Variants in PDE6B observed in about 807,000 individuals in gnomAD.
The protein encoded by PDE6B is phosphodiesterase 6B.
Under a neutral mutation model 109.0 loss-of-function variants are expected in PDE6B, and 106 were observed. That is an observed-to-expected ratio of 0.97 (90% CI 0.83 to 1.14). The LOEUF is 1.14. Among genes scored for constraint, PDE6B ranks in the 50% most tolerant of loss-of-function variants. The pLI, the probability that PDE6B is intolerant of heterozygous loss-of-function variation, is 0.00. For missense variants in PDE6B, 1,193 were observed against 1,155.6 expected, an observed-to-expected ratio of 1.03 and a Z score of -0.47; for synonymous variants, 490 against 471.3, an observed-to-expected ratio of 1.04 and a Z score of -0.51.
intron 6 of PDE6B, chr4:655,674 G>A: frequency 1.7e-6 from 1 of 575,710 alleles, no homozygotes; most frequent in Admixed American, 2.9e-5. Flanking sequence ...AAATGCTGAG[G>A]ATGGCACATG....
intron 3 of PDE6B, 48 bp from the exon 4 acceptor site, chr4:653,804 G>A (rs771262063): frequency 1.4e-5 from 22 of 1,607,626 alleles, no homozygotes; most frequent in African/African-American, 6.7e-5. Flanking sequence ...TCAGACCGGC[G>A]TGAGGGTGGG....
chr4:655,755 G>A, intron 6 of PDE6B, 185 bp from the exon 7 acceptor site: 1 of 664,076 alleles, frequency 1.5e-6, no homozygotes, highest in South Asian at 1.7e-5. Context: ...ATCCAGCGCA[G>A]CCTGGCCCCT....
intron 1 of PDE6B, among the ~76,000 whole-genome samples, chr4:631,731 G>A (rs142581732): frequency 2.4e-4 from 36 of 151,962 alleles, no homozygotes; most frequent in African/African-American, 8.7e-4. Flanking sequence ...AAAGGGTCAT[G>A]AGGGTCACAT....
Position 634,859 on chromosome 4 carries a change from G to A in PDE6B, c.621+30G>A, listed in dbSNP as rs367693445. 246 of 1,605,550 alleles carry A rather than the reference G, an allele frequency of 1.5e-4. 1 individual carries two copies. In the East Asian group the frequency reaches 4.8e-3, roughly 32 times the overall value. ...GTGTGGGGGGCACCTGGGCAGCCGC[G>A]CGTCTGCCTCCCTGCCTGCCTGCCC... On this transcript the variant is annotated intron_variant, in intron 2 of 21. Coordinates refer to ENST00000496514, the MANE Select transcript of PDE6B (RefSeq NM_000283.4).
chr4:657,966 G>A (rs1439769213), intron 10 of PDE6B, among the ~76,000 whole-genome samples: 1 of 143,476 alleles, frequency 7.0e-6, no homozygotes, highest in African/African-American at 2.6e-5. Flanking sequence ...TCATGGCTGT[G>A]CAGCAGAGGC....
Position 662,149 on chromosome 4 carries a change from C to T in PDE6B, c.1630C>T (p.Leu544=). 1.3e-6 allele frequency: 2 copies of T among 1,564,568 alleles called. No homozygotes were observed. The highest frequency in any genetic ancestry group is 1.7e-6 in the Non-Finnish European group (2 of 1,151,932). The part of the protein sequence containing the change: ...QIPQEVLVRF[L]FSISKGYRRI... ...GCTCCCCCAGGTCCTGGTGCGGTTC[C>T]TGTTCTCCATCAGCAAAGGGTACCG... is the stretch of plus-strand genomic sequence containing the variant. Residue 544 remains leucine (L), a synonymous_variant, in exon 13 of 22, where the codon CTG becomes TTG. Coordinates refer to ENST00000496514, the MANE Select transcript of PDE6B (RefSeq NM_000283.4). The surrounding 1 kb of genome is among the most constrained non-coding windows in gnomAD (Gnocchi z 4.3).
At position 670,067 on chromosome 4, in the gene PDE6B, G is replaced by T. The variant is rs1160263275; in HGVS notation, c.2525G>T (p.Gly842Val). ...AKKVGTEICN[G>V]GPAPKSSTCC... ...GCAGTAGGCACAGAAATTTGCAATG[G>T]CGGCCCAGCACCCAAGTCTTCAACC... Residue 842 changes from glycine (G) to valine (V), a missense_variant, in exon 22 of 22, where the codon GGC (glycine) becomes GTC (valine). Transcript: ENST00000496514. 1.2e-6 allele frequency: 2 copies of T among 1,613,034 alleles called. No homozygotes were observed. The highest frequency in any genetic ancestry group is 2.7e-5 in the African/African-American group (2 of 74,858).
At chr4:644,861 C>G (rs1735123930) in intron 3 of PDE6B, among the ~76,000 whole-genome samples, 1 of 152,016 alleles carries the variant, frequency 6.6e-6, no homozygotes, top group Non-Finnish European at 1.5e-5. Context: ...AATGTCCTTA[C>G]TGAGCCTCTG....
Position 657,012 on chromosome 4 carries a change from G to A in PDE6B, c.1246G>A (p.Val416Ile). ...DGKPFDEQDE[V>I]LMESLTQFLG... is the part of the protein sequence containing the mutation. Reference sequence around the variant, plus strand: ...GAAGCCCTTTGACGAACAGGACGAGGTTCTCATGGAGGTAAGCACCTGGGC... The same window carrying A: ...GAAGCCCTTTGACGAACAGGACGAGATTCTCATGGAGGTAAGCACCTGGGC... The change falls in exon 9 of 22, where the codon GTT (valine) becomes ATT (isoleucine). Residue 416 changes from valine to isoleucine, a missense_variant. Val to Ile is a conservative substitution (Grantham distance 29). Coordinates refer to ENST00000496514, the MANE Select transcript of PDE6B (RefSeq NM_000283.4). 2 of 1,613,224 alleles carry A rather than the reference G, an allele frequency of 1.2e-6. No homozygotes were observed. Among genetic ancestry groups the A allele is most frequent in the East Asian group, 4.5e-5 (2 of 44,864 alleles).
intron 1 of PDE6B, among the ~76,000 whole-genome samples, chr4:629,625 G>A (rs964066896): frequency 6.6e-5 from 10 of 152,342 alleles, no homozygotes; most frequent in Admixed American, 4.6e-4. Context: ...GGTCCTGCAC[G>A]TCGCCAGCAG....
chr4:631,556 G>A (rs1185681807), intron 1 of PDE6B, among the ~76,000 whole-genome samples: 1 of 151,970 alleles, frequency 6.6e-6, no homozygotes, highest in African/African-American at 2.4e-5. Context: ...GATCCTTGTG[G>A]CACTGTCTGA....
At position 663,430 on chromosome 4, in the gene PDE6B, C is replaced by A. The variant is rs1447312565; in HGVS notation, c.1920+243C>A. 6.6e-6 allele frequency among the ~76,000 whole-genome samples: 1 copy of A among 152,176 alleles called. No homozygotes were observed. The highest frequency in any genetic ancestry group is 1.5e-5 in the Non-Finnish European group (1 of 68,022). ...GGCCCCTCATGGGGTGGGGTGGAAGCCGAAGGGGAAGCGGCCCGGGACCCA... is the reference window on the plus strand; with the variant it reads ...GGCCCCTCATGGGGTGGGGTGGAAGACGAAGGGGAAGCGGCCCGGGACCCA... On this transcript the variant is annotated intron_variant, in intron 15 of 21. Coordinates refer to ENST00000496514, the MANE Select transcript of PDE6B (RefSeq NM_000283.4). The surrounding 1 kb of genome is among the most constrained non-coding windows in gnomAD (Gnocchi z 4.0).
chr4:633,308 C>A lies in PDE6B; in HGVS notation c.469-1369C>A, dbSNP rs570269224. On this transcript the variant is annotated intron_variant, in intron 1 of 21. Transcript: ENST00000496514. This position sits in a 1 kb window ranked among gnomAD's most constrained non-coding sequence, Gnocchi z 4.5. ...CCACCCCTGCCAGGGCTCACTCACCCGTCTTCCTGCTCCACCATCTTTTAA... is the reference window on the plus strand; with the variant it reads ...CCACCCCTGCCAGGGCTCACTCACCAGTCTTCCTGCTCCACCATCTTTTAA... Among the ~76,000 whole-genome samples the A allele has an allele frequency of 6.6e-6, 1 of 152,214 alleles. No homozygotes were observed. Among genetic ancestry groups the A allele is most frequent in the Admixed American group, 6.5e-5 (1 of 15,286 alleles).
At chr4:640,983 T>C (rs978057509) in intron 3 of PDE6B, among the ~76,000 whole-genome samples, 1 of 152,200 alleles carries the variant, frequency 6.6e-6, no homozygotes, top group African/African-American at 2.4e-5. Flanking sequence ...GCGCTCTAGT[T>C]GTCTTTCTTC....
intron 1 of PDE6B, among the ~76,000 whole-genome samples, chr4:631,740 A>G (rs1358481099): frequency 4.6e-5 from 6 of 130,818 alleles, no homozygotes; most frequent in Non-Finnish European, 8.2e-5. Context: ...TGAGGGTCAC[A>G]TTGTGTGGGT....
At position 662,286 on chromosome 4, in the gene PDE6B, T is replaced by G; in HGVS notation, c.1722+45T>G. 8.8e-7 allele frequency: 1 copy of G among 1,139,762 alleles called. No homozygotes were observed. Among genetic ancestry groups the G allele is most frequent in the South Asian group, 1.3e-5 (1 of 75,916 alleles). 70.6% of individuals were successfully genotyped at this position (1,139,762 alleles called of 1,614,324 possible). A position where few individuals can be genotyped will look rare whatever the true frequency, so the allele number is the denominator to read the frequency against. ...ACCAGGGTTGTGCAGGCCCTCCTGG[T>G]ACCAAGGGCAGCACTCAAGCACCCC... On this transcript the variant is annotated intron_variant, in intron 13 of 21. Coordinates refer to ENST00000496514, the MANE Select transcript of PDE6B (RefSeq NM_000283.4). This position sits in a 1 kb window ranked among gnomAD's most constrained non-coding sequence, Gnocchi z 4.3.
chr4:656,509 G>A (rs541773875), intron 8 of PDE6B, among the ~76,000 whole-genome samples: 1 of 151,306 alleles, frequency 6.6e-6, no homozygotes, highest in African/African-American at 2.4e-5. Context: ...GGCCGTGACC[G>A]CGGCCCCCAC....
rs540913495 is a variant in PDE6B, at chr4:634,203, A to G, written c.469-474A>G. Reference sequence around the variant, plus strand: ...AAAGTGTCCGACGAACAAGCCCCCAATTAGAATGGGCCCATCCCACACCCT... The same window carrying G: ...AAAGTGTCCGACGAACAAGCCCCCAGTTAGAATGGGCCCATCCCACACCCT... On this transcript the variant is annotated intron_variant, in intron 1 of 21. Transcript: ENST00000496514. 2.3e-3 allele frequency among the ~76,000 whole-genome samples: 352 copies of G among 152,260 alleles called. 1 individual carries two copies. Among genetic ancestry groups the G allele is most frequent in the African/African-American group, 7.9e-3 (329 of 41,552 alleles).
chr4:653,792 G>A, intron 3 of PDE6B, 60 bp from the exon 4 acceptor site: 9 of 1,588,116 alleles, frequency 5.7e-6, no homozygotes, highest in Non-Finnish European at 6.9e-6. Context: ...CTGCTGCTGT[G>A]GTCAGACCGG....
Sources: allele counts gnomAD v4.1 joint callset (sites outside exome capture counted in the v4.1 genomes callset), GRCh38; gene constraint gnomAD v4.1.1; non-coding constraint Gnocchi (gnomAD v3.1); transcripts MANE v1.5; gene names NCBI Gene and HGNC (gene_info 2026-07-23, HGNC 2026-07-21).